The following AKAP9 variants were observed in gnomAD, a reference collection of about 807,000 sequenced individuals.
AKAP9 encodes A-kinase anchor protein 9.
In AKAP9, 311 loss-of-function variants were observed where a neutral mutation model predicts 488.5. The ratio of observed to expected loss-of-function variants is 0.64; its 90% CI spans 0.58 to 0.70. The LOEUF is 0.70. AKAP9 is among the 30% of genes least tolerant of loss of function. The pLI, the probability that AKAP9 is intolerant of heterozygous loss-of-function variation, is 0.00. For synonymous variants in AKAP9, 1,462 were observed against 1,483.5 expected, an observed-to-expected ratio of 0.99 and a Z score of 0.33; for missense variants, 4,215 against 4,374.5, an observed-to-expected ratio of 0.96 and a Z score of 1.03.
chr7:92,094,060 A>G (rs1050567968), intron 39 of AKAP9, among the ~76,000 whole-genome samples: 3 of 151,786 alleles, frequency 2.0e-5, no homozygotes, highest in African/African-American at 7.2e-5. Flanking sequence ...CATGTTGACC[A>G]TGCTGGTCTC....
chr7:92,037,942 T>G (rs564601263), intron 16 of AKAP9, among the ~76,000 whole-genome samples: 1 of 152,306 alleles, frequency 6.6e-6, no homozygotes, highest in East Asian at 1.9e-4. Flanking sequence ...GTATTTCTAT[T>G]TCTTAACTTG....
At chr7:92,099,992 A>G (rs1012200959) in intron 44 of AKAP9, 123 bp downstream of exon 44, 30 of 875,694 alleles carry the variant, frequency 3.4e-5, no homozygotes, top group African/African-American at 1.3e-4. Context: ...TAGGATCTGT[A>G]GAAAATTTTA....
At chr7:92,060,265 A>T (rs976237790) in intron 22 of AKAP9, among the ~76,000 whole-genome samples, 6 of 152,104 alleles carry the variant, frequency 3.9e-5, no homozygotes, top group African/African-American at 1.4e-4. Context: ...CTTAAAATGC[A>T]CTAATATCTT....
rs1810006141 is a variant in AKAP9, at chr7:92,062,279, A to G, written c.5770A>G (p.Ile1924Val). 1 of 1,611,484 alleles carries G rather than the reference A, an allele frequency of 6.2e-7. No homozygotes were observed. The stretch of plus-strand genomic sequence containing the variant: ...CTGTTAATTTTGTATTATAGGCGTC[A>G]TTGATGGCTATGCAGATGAAAAAAC... The part of the protein sequence containing the change: ...AVELSKAEGV[I>V]DGYADEKTLF... Residue 1924 changes from isoleucine to valine, a missense_variant, in exon 24 of 50, where the codon ATT becomes GTT. Physicochemically the swap from Ile to Val is conservative, Grantham distance 29. Transcript: ENST00000356239.
At chr7:92,007,499 C>A (rs572715149) in intron 8 of AKAP9, among the ~76,000 whole-genome samples, 2 of 151,730 alleles carry the variant, frequency 1.3e-5, no homozygotes, top group East Asian at 1.9e-4. Flanking sequence ...TGATTTATAT[C>A]TTTAATGTAA....
At chr7:92,025,100 A>G (rs1802914189) in intron 14 of AKAP9, among the ~76,000 whole-genome samples, 1 of 152,374 alleles carries the variant, frequency 6.6e-6, no homozygotes, top group African/African-American at 2.4e-5. Flanking sequence ...AATATAATTC[A>G]GAGGCACGGA....
intron 31 of AKAP9, among the ~76,000 whole-genome samples, chr7:92,082,257 A>G (rs1813714225): frequency 6.6e-6 from 1 of 152,164 alleles, no homozygotes; most frequent in Non-Finnish European, 1.5e-5. Context: ...GTAACTTTCC[A>G]TTTTAGGATG....
intron 49 of AKAP9, among the ~76,000 whole-genome samples, 177 bp from the exon 50 acceptor site, chr7:92,109,945 C>T (rs1293195640): frequency 6.6e-6 from 1 of 152,008 alleles, no homozygotes. Flanking sequence ...AGTAACACTC[C>T]ACCTTGGGGG....
At chr7:92,032,496 C>CAA (rs56966156) in intron 16 of AKAP9, among the ~76,000 whole-genome samples, 7 of 80,482 alleles carry the variant, frequency 8.7e-5, no homozygotes, top group East Asian at 3.1e-4. Context: ...AACTCCGTCT[C>CAA]AAAAAAAAAA....
chr7:91,978,357 G>A (rs1226132165), intron 2 of AKAP9, among the ~76,000 whole-genome samples: 1 of 152,126 alleles, frequency 6.6e-6, no homozygotes, highest in Non-Finnish European at 1.5e-5. Context: ...TCATGGAGAA[G>A]GTAGTTTTAG....
intron 16 of AKAP9, among the ~76,000 whole-genome samples, chr7:92,034,459 GTTGTA>G (rs1160031369): frequency 6.9e-6 from 1 of 144,454 alleles, no homozygotes; most frequent in East Asian, 2.0e-4. Context: ...TATAGGTAGA[GTTGTA>G]TTGTAGTGTA....
chr7:91,970,947 T>A (rs558467822), intron 1 of AKAP9, among the ~76,000 whole-genome samples: 1 of 152,282 alleles, frequency 6.6e-6, no homozygotes, highest in Admixed American at 6.5e-5. Context: ...CCCCCTTGCA[T>A]TAAAGTTAGG....
chr7:92,058,317 T>C (rs1444282582), intron 22 of AKAP9: 1 of 579,364 alleles, frequency 1.7e-6, no homozygotes, highest in Non-Finnish European at 3.5e-6. Context: ...AATAACTCAG[T>C]AATTGTTAAT....
chr7:92,002,361 ACT>A lies in AKAP9; in HGVS notation c.2447_2448del (p.Ser816CysfsTer14). 1 of 1,612,674 alleles carries A rather than the reference ACT, an allele frequency of 6.2e-7. No homozygotes were observed. The highest frequency in any genetic ancestry group is 8.5e-7 in the Non-Finnish European group (1 of 1,179,370). On this transcript the variant is annotated frameshift_variant, in exon 8 of 50. Transcript: ENST00000356239. LOFTEE classifies it high-confidence loss of function. The stretch of plus-strand genomic sequence containing the variant: ...GACTCCATTAAGTCCAAATCCAAAG[ACT>A]CTGTGTGGGAAAAAGAAATAGAAAT...
Position 92,086,213 on chromosome 7 carries a change from T to C in AKAP9, c.9025-15T>C. ...CTTATTTGAAAACTAACTATCGTTA[T>C]ATGTACTTTGCTAGGTTTATGATAG... On this transcript the variant is annotated splice_polypyrimidine_tract_variant and intron_variant, in intron 36 of 49. Coordinates refer to ENST00000356239, the MANE Select transcript of AKAP9 (RefSeq NM_005751.5). 3 of 1,605,548 alleles carry C rather than the reference T, an allele frequency of 1.9e-6. No individual in the cohort carries two copies. Among genetic ancestry groups the C allele is most frequent in the Non-Finnish European group, 2.6e-6 (3 of 1,172,554 alleles).
At chr7:92,040,177 C>A (rs1805834541) in intron 17 of AKAP9, among the ~76,000 whole-genome samples, 1 of 152,146 alleles carries the variant, frequency 6.6e-6, no homozygotes, top group Non-Finnish European at 1.5e-5. Flanking sequence ...AAGCTTTTAT[C>A]TTCAAATAAA....
chr7:91,992,661 CAAAAAA>C (rs770870521), intron 4 of AKAP9, among the ~76,000 whole-genome samples: 2 of 46,632 alleles, frequency 4.3e-5, no homozygotes, highest in African/African-American at 1.6e-4. Context: ...AAGACTCTGT[CAAAAAA>C]AAAAAAAAAA....
chr7:91,960,199 C>G (rs1367129730), intron 1 of AKAP9, among the ~76,000 whole-genome samples: 1 of 152,150 alleles, frequency 6.6e-6, no homozygotes, highest in Non-Finnish European at 1.5e-5. Context: ...ACTGGAGAAA[C>G]TAGGTAACAC....
At chr7:91,987,963 G>A (rs1238513659) in intron 3 of AKAP9, among the ~76,000 whole-genome samples, 3 of 152,078 alleles carry the variant, frequency 2.0e-5, no homozygotes, top group African/African-American at 7.2e-5. Flanking sequence ...CTGGAGCTCA[G>A]GAGTTCGAGA....
Sources: gnomAD v4.1 joint callset for allele counts (sites outside exome capture counted in the v4.1 genomes callset) on GRCh38, gnomAD v4.1.1 for gene constraint, MANE v1.5 for transcripts, NCBI Gene and HGNC (gene_info 2026-07-23, HGNC 2026-07-21) for gene names.